Variants in SLC49A3 observed in about 807,000 individuals in gnomAD.
The protein encoded by SLC49A3 is solute carrier family 49 member 3, also known as solute carrier family 49 member A3.
Under a neutral mutation model 43.8 loss-of-function variants are expected in SLC49A3, and 50 were observed. The ratio of observed to expected loss-of-function variants is 1.14; its 90% CI spans 0.91 to 1.45. The LOEUF is 1.45. Among genes scored for constraint, SLC49A3 ranks in the 40% most tolerant of loss-of-function variants. The pLI, the probability that SLC49A3 is intolerant of heterozygous loss-of-function variation, is 0.00. For synonymous variants in SLC49A3, 413 were observed against 352.0 expected, an observed-to-expected ratio of 1.17 and a Z score of -1.94; for missense variants, 906 against 774.1, an observed-to-expected ratio of 1.17 and a Z score of -2.02.
At chr4:681,198 A>G, downstream of SLC49A3, 2 of 1,560,600 alleles carry the variant, frequency 1.3e-6, no homozygotes, top group East Asian at 2.3e-5. Flanking sequence ...TCCCGGGGTC[A>G]GCTGGGTGGA....
chr4:678,787 G>T, downstream of SLC49A3: 1 of 1,607,806 alleles, frequency 6.2e-7, no homozygotes, highest in Non-Finnish European at 8.5e-7. Flanking sequence ...CTGCTTCACT[G>T]GGAGCCCCCA....
downstream of SLC49A3, chr4:681,677 GCCGCCCCGCCCCCTC>G (rs1739628052): frequency 1.2e-4 from 2 of 16,772 alleles, no homozygotes; most frequent in African/African-American, 2.7e-4. Context: ...CCCCTCCAGC[GCCGCCCCGCCCCCTC>G]CAGCGCCGCC....
Position 685,017 on chromosome 4 carries a change from G to T in SLC49A3, c.586-161C>A. On this transcript the variant is annotated intron_variant, in intron 4 of 9. Coordinates refer to ENST00000322224, the MANE Select transcript of SLC49A3 (RefSeq NM_032219.4). This position sits in a 1 kb window ranked among gnomAD's most constrained non-coding sequence, Gnocchi z 4.3. The stretch of plus-strand genomic sequence containing the variant: ...CTGCCCTTTGCGAGGCCCAGGCTGG[G>T]AGGGGCCTGCTCCAGGGGCTCATGG... The T allele has an allele frequency of 1.0e-6, 1 of 990,492 alleles. No individual in the cohort carries two copies. Among genetic ancestry groups the T allele is most frequent in the Non-Finnish European group, 1.4e-6 (1 of 699,570 alleles). The allele number at this position is 990,492 out of a possible 1,614,324, so 61.4% of individuals were successfully genotyped here.
Position 682,840 on chromosome 4 carries a change from C to G in SLC49A3, c.1202G>C (p.Arg401Pro). Residue 401 changes from arginine to proline, a missense_variant, in exon 9 of 10, where the codon CGA becomes CCA. By Grantham distance (103) the Arg-to-Pro change is moderately radical. Transcript: ENST00000322224. ...GGTGGACAAGGACGGCTCCGAGCGT[C>G]GCACAGTCAGTGCCGTCATTGCCAG... ...IMLAMTALTV[R>P]RSEPSLSTCQ... 6.2e-7 allele frequency: 1 copy of G among 1,604,630 alleles called. No individual in the cohort carries two copies. Among genetic ancestry groups the G allele is most frequent in the South Asian group, 1.1e-5 (1 of 90,202 alleles).
chr4:681,181 G>A (rs1188907500), downstream of SLC49A3: 6 of 1,585,000 alleles, frequency 3.8e-6, no homozygotes, highest in Non-Finnish European at 5.1e-6. Context: ...CGAGGGGAGG[G>A]CGGGGCTCCC....
Position 684,875 on chromosome 4 carries a change from G to A in SLC49A3, c.586-19C>T. ...CACCGAGCTGGGGAGGGGTGTGTGT[G>A]CACAAGGAGACCACGCAGACTGGCA... On this transcript the variant is annotated intron_variant, in intron 4 of 9. Transcript: ENST00000322224. The A allele has an allele frequency of 6.2e-7, 1 of 1,607,630 alleles. No homozygotes were observed. Among genetic ancestry groups the A allele is most frequent in the Non-Finnish European group, 8.5e-7 (1 of 1,178,456 alleles).
intron 2 of SLC49A3, 87 bp from the exon 3 acceptor site, chr4:686,389 C>G: frequency 1.3e-6 from 2 of 1,574,420 alleles, no homozygotes; most frequent in South Asian, 2.4e-5. Context: ...GGACCTCCCA[C>G]TGCCGCCACC....
chr4:679,831 C>CCTGGCCCTGTGCTGGGGT (rs1324206075), downstream of SLC49A3: 176 of 1,199,316 alleles, frequency 1.5e-4, 3 homozygotes, highest in Admixed American at 3.3e-3. Flanking sequence ...CATCTGCCTG[C>CCTGGCCCTGTGCTGGGGT]CTGGCCCTGT....
downstream of SLC49A3, chr4:678,511 C>G (rs1198357315): frequency 3.5e-6 from 5 of 1,445,808 alleles, no homozygotes; most frequent in Non-Finnish European, 4.5e-6. Context: ...AGGCCTGAGG[C>G]TGGCATGCTC....
At chr4:678,106 C>CAG, downstream of SLC49A3, 1 of 1,594,120 alleles carries the variant, frequency 6.3e-7, no homozygotes, top group South Asian at 1.1e-5. Flanking sequence ...TGCGCACAGA[C>CAG]GAGCGTGGGC....
chr4:682,545 G>C (rs1051426475), intron 9 of SLC49A3, among the ~76,000 whole-genome samples, 169 bp from the exon 10 acceptor site: 1 of 152,180 alleles, frequency 6.6e-6, no homozygotes, highest in Non-Finnish European at 1.5e-5. Context: ...GCAGACCCAG[G>C]TCCTGAGAGA....
intron 1 of SLC49A3, chr4:687,984 G>C (rs1440803195): frequency 6.6e-6 from 1 of 152,266 alleles, no homozygotes; most frequent in African/African-American, 2.4e-5. Context: ...GCTCCATGAT[G>C]ACTCGTGGAT....
At chr4:680,729 CAGGATCCCAGCTGAGT>C, downstream of SLC49A3, 1 of 849,088 alleles carries the variant, frequency 1.2e-6, no homozygotes, top group South Asian at 1.7e-5. Context: ...GGAGCGAACC[CAGGATCCCAGCTGAGT>C]GGGAGGCCAG....
downstream of SLC49A3, chr4:681,714 A>C (rs1223990319): frequency 1.3e-5 from 1 of 78,758 alleles, no homozygotes; most frequent in South Asian, 7.5e-4. Flanking sequence ...CGCCCCCTCC[A>C]GCGCCGCCCC....
downstream of SLC49A3, among the ~76,000 whole-genome samples, chr4:677,347 G>C (rs1738943987): frequency 6.6e-6 from 1 of 152,236 alleles, no homozygotes; most frequent in Non-Finnish European, 1.5e-5. Context: ...CTGTGCCTGA[G>C]GCCATGGTAT....
intron 5 of SLC49A3, 52 bp downstream of exon 5, chr4:684,667 T>A: frequency 6.2e-7 from 1 of 1,606,584 alleles, no homozygotes; most frequent in Non-Finnish European, 8.5e-7. Context: ...CTCCTCAGCC[T>A]CTTGCCCCCA....
chr4:680,594 G>C (rs746865065), downstream of SLC49A3: 344 of 1,611,760 alleles, frequency 2.1e-4, 1 homozygote, highest in South Asian at 2.8e-3. Flanking sequence ...AGTAGTGAGT[G>C]CCCGGGCGGC....
upstream of SLC49A3, chr4:689,266 G>C (rs1560181986): frequency 4.4e-6 from 2 of 451,030 alleles, 1 homozygote; most frequent in South Asian, 2.2e-4. Context: ...CCGCCCCAAG[G>C]ACTACGGAGG....
At chr4:681,382 T>G (rs1560156573), downstream of SLC49A3, among the ~76,000 whole-genome samples, 1 of 151,760 alleles carries the variant, frequency 6.6e-6, no homozygotes, top group Non-Finnish European at 1.5e-5. Context: ...CTCCGCGGCC[T>G]GAGCGTCTGT....
Sources: gnomAD v4.1 joint callset for allele counts (sites outside exome capture counted in the v4.1 genomes callset) on GRCh38, gnomAD v4.1.1 for gene constraint, Gnocchi (gnomAD v3.1) non-coding constraint, MANE v1.5 for transcripts, NCBI Gene and HGNC (gene_info 2026-07-23, HGNC 2026-07-21) for gene names.